The following FAM13C variants were observed in gnomAD, a reference collection of about 807,000 sequenced individuals.
FAM13C encodes the protein family with sequence similarity 13 member C, also known as protein FAM13C.
FAM13C carries 37 observed loss-of-function variants against 73.2 expected under a neutral mutation model. That is an observed-to-expected ratio of 0.51 (90% CI 0.39 to 0.67). FAM13C has a LOEUF of 0.67. Among genes scored for constraint, FAM13C ranks in the 30% least tolerant of loss-of-function variants. The probability of loss-of-function intolerance (pLI) is 0.00; values close to 1 mark genes in which losing one functional copy is unlikely to be tolerated. For synonymous variants in FAM13C, 246 were observed against 260.9 expected (o/e 0.94, Z 0.55); for missense variants, 589 against 715.6 (o/e 0.82, Z 2.02).
chr10:59,293,072 T>TA (rs1212693267), intron 5 of FAM13C, among the ~76,000 whole-genome samples: 1 of 66,380 alleles, frequency 1.5e-5, no homozygotes, highest in Non-Finnish European at 3.7e-5. Context: ...TCTTTTTCTT[T>TA]TTTTTTTTTT....
intron 3 of FAM13C, among the ~76,000 whole-genome samples, chr10:59,342,855 C>G (rs1231209018): frequency 2.6e-5 from 4 of 152,188 alleles, no homozygotes; most frequent in African/African-American, 9.7e-5. Context: ...CTTCTAAGCT[C>G]CAAAACAGGC....
Position 59,300,082 on chromosome 10 carries a change from C to A in FAM13C, c.507+2719G>T, listed in dbSNP as rs567120625. The stretch of plus-strand genomic sequence containing the variant: ...ACTAGGAAAGTATGAGAAACACACA[C>A]AGAGACAACATACATGGATACGCTA... On this transcript the variant is annotated intron_variant, in intron 5 of 13. Transcript: ENST00000618804. 1.7e-4 allele frequency among the ~76,000 whole-genome samples: 26 copies of A among 152,234 alleles called. No homozygotes were observed. In the East Asian group the frequency reaches 5.0e-3, roughly 29 times the overall value.
intron 3 of FAM13C, among the ~76,000 whole-genome samples, chr10:59,337,469 T>C (rs1317975965): frequency 6.6e-6 from 1 of 152,176 alleles, no homozygotes; most frequent in Non-Finnish European, 1.5e-5. Context: ...GTGTGTGGTG[T>C]TGGCTAGCTT....
Position 59,360,412 on chromosome 10 carries a change from A to T in FAM13C, c.62+1987T>A, listed in dbSNP as rs1459491128. ...CAGGAGGCAGAGGAGCTCTTCTTGT[A>T]TCCAGAACATAGAGGGGAGAAAAGT... On this transcript the variant is annotated intron_variant, in intron 1 of 13. Transcript: ENST00000618804. 2.0e-5 allele frequency among the ~76,000 whole-genome samples: 3 copies of T among 152,138 alleles called. No individual in the cohort carries two copies. The South Asian group carries it at 6.2e-4, about 31-fold the overall frequency.
chr10:59,293,069 C>CTTTTTTTTTTTTTTTTTTTTTTTTTTTTT (rs148715812), intron 5 of FAM13C, among the ~76,000 whole-genome samples: 1 of 109,538 alleles, frequency 9.1e-6, no homozygotes. Flanking sequence ...TTTTCTTTTT[C>CTTTTTTTTTTTTTTTTTTTTTTTTTTTTT]TTTTTTTTTT....
intron 4 of FAM13C, among the ~76,000 whole-genome samples, chr10:59,319,836 A>G (rs1849984356): frequency 6.6e-6 from 1 of 152,200 alleles, no homozygotes; most frequent in Admixed American, 6.5e-5. Context: ...GGTATTGAGG[A>G]GTATGCAGAG....
chr10:59,311,716 C>T (rs928219871), intron 4 of FAM13C, among the ~76,000 whole-genome samples: 5 of 152,172 alleles, frequency 3.3e-5, no homozygotes, highest in Non-Finnish European at 7.3e-5. Context: ...GGGAGCAGCC[C>T]GCAGCCGGAA....
intron 3 of FAM13C, among the ~76,000 whole-genome samples, chr10:59,326,818 T>G (rs115768284): frequency 0.013 from 2,036 of 152,254 alleles, 53 homozygotes; most frequent in African/African-American, 0.047. Context: ...ACCTCTCTAG[T>G]CTGCCCTAGG....
rs1290608764 is a variant in FAM13C, at chr10:59,269,869, A to G, written c.803+30T>C. ...TGTGGTATTTGAAAAACTGTATGAA[A>G]TGAAGACAATAACAAAACAGTTTTC... On this transcript the variant is annotated intron_variant, in intron 7 of 13. Transcript: ENST00000618804. The G allele has an allele frequency of 1.9e-6, 3 of 1,607,852 alleles. No individual in the cohort carries two copies. In the East Asian group the frequency reaches 6.7e-5, roughly 36 times the overall value.
intron 5 of FAM13C, among the ~76,000 whole-genome samples, chr10:59,293,198 T>C (rs544690): frequency 0.99 from 149,491 of 151,288 alleles, 73,874 homozygotes; most frequent in South Asian, 1. Context: ...CTCAGCCTCC[T>C]GAGTAGCTGG....
chr10:59,312,570 G>T lies in FAM13C; in HGVS notation c.444-9706C>A, dbSNP rs566108509. 8.5e-5 allele frequency among the ~76,000 whole-genome samples: 13 copies of T among 152,212 alleles called. No homozygotes were observed. The South Asian group carries it at 2.7e-3, about 32-fold the overall frequency. ...GTCACTCCTGTTTATAACCTCCAGTGGTTTTCTTCTAGACTTAGACAAAAT... is the reference window on the plus strand; with the variant it reads ...GTCACTCCTGTTTATAACCTCCAGTTGTTTTCTTCTAGACTTAGACAAAAT... On this transcript the variant is annotated intron_variant, in intron 4 of 13. Transcript: ENST00000618804.
intron 4 of FAM13C, among the ~76,000 whole-genome samples, chr10:59,322,567 A>C (rs944077210): frequency 6.6e-6 from 1 of 152,232 alleles, no homozygotes; most frequent in African/African-American, 2.4e-5. Context: ...ATCTTTGAGA[A>C]GGTTAATTGC....
chr10:59,275,806 AT>A (rs1844262994), intron 6 of FAM13C, among the ~76,000 whole-genome samples: 1 of 152,186 alleles, frequency 6.6e-6, no homozygotes, highest in African/African-American at 2.4e-5. Context: ...ACAATCAGGT[AT>A]AACAACACAG....
Position 59,246,794 on chromosome 10 carries a change from C to T in FAM13C, c.*820G>A, listed in dbSNP as rs936972652. 3 of 392,062 alleles carry T rather than the reference C, an allele frequency of 7.7e-6. No individual in the cohort carries two copies. The highest frequency in any genetic ancestry group is 1.4e-5 in the Non-Finnish European group (3 of 222,008). The allele number at this position is 392,062 out of a possible 1,614,324, so 24.3% of individuals were successfully genotyped here. On this transcript the variant is annotated 3_prime_UTR_variant, in exon 14 of 14. Transcript: ENST00000618804. ...ATTCCCAATGAAAAAATAGTTATAT[C>T]ATCTTATAGTAAACCAAAAGATTAG...
chr10:59,352,571 T>A, intron 2 of FAM13C, 97 bp from the exon 3 acceptor site: 1 of 1,333,544 alleles, frequency 7.5e-7, no homozygotes, highest in Non-Finnish European at 1.0e-6. Context: ...CTGCTATATT[T>A]ATAGGATAGA....
rs1849901141 is a variant in FAM13C at position 59,319,162 on chromosome 10, T to C, written c.443+4826A>G. ...AAAAGATGAAAGGATTTATCCCCCA[T>C]AGAAAAGTTGCTGCCAACAAAACTT... On this transcript the variant is annotated intron_variant, in intron 4 of 13. Transcript: ENST00000618804. 2.0e-5 allele frequency among the ~76,000 whole-genome samples: 3 copies of C among 150,888 alleles called. 1 individual carries two copies. The highest frequency in any genetic ancestry group is 1.3e-4 in the Admixed American group (2 of 15,146).
intron 6 of FAM13C, among the ~76,000 whole-genome samples, chr10:59,275,553 G>A (rs529244299): frequency 6.6e-6 from 1 of 152,302 alleles, no homozygotes; most frequent in South Asian, 2.1e-4. Flanking sequence ...CTGTGTGCAG[G>A]GGAAAAGTGG....
chr10:59,314,406 C>G (rs1849286801), intron 4 of FAM13C, among the ~76,000 whole-genome samples: 1 of 152,162 alleles, frequency 6.6e-6, no homozygotes, highest in African/African-American at 2.4e-5. Context: ...CTGAAGAAAT[C>G]AAAGCCCAGA....
chr10:59,289,624 A>C (rs1164855130), intron 5 of FAM13C, among the ~76,000 whole-genome samples: 1 of 152,210 alleles, frequency 6.6e-6, no homozygotes, highest in Non-Finnish European at 1.5e-5. Flanking sequence ...TAAGCAAGTA[A>C]ACAAATCAAA....
Sources: gnomAD v4.1 joint callset for allele counts (sites outside exome capture counted in the v4.1 genomes callset) on GRCh38, gnomAD v4.1.1 for gene constraint, MANE v1.5 for transcripts, NCBI Gene and HGNC (gene_info 2026-07-23, HGNC 2026-07-21) for gene names.